The following MYCBPAP variants were observed in gnomAD, a reference collection of about 807,000 sequenced individuals.
The protein encoded by MYCBPAP is MYCBP-associated protein.
In MYCBPAP, 60 loss-of-function variants were observed where a neutral mutation model predicts 106.1. The observed-to-expected ratio is 0.57, with a 90% CI of 0.46 to 0.70. The LOEUF (loss-of-function observed/expected upper bound fraction) is 0.70, where lower values mean the gene tolerates loss of function less well. Among genes scored for constraint, MYCBPAP ranks in the 30% least tolerant of loss-of-function variants. The pLI, the probability that MYCBPAP is intolerant of heterozygous loss-of-function variation, is 0.00. For synonymous variants in MYCBPAP, 407 were observed against 440.6 expected, an observed-to-expected ratio of 0.92 and a Z score of 0.95; for missense variants, 1,064 against 1,169.3, an observed-to-expected ratio of 0.91 and a Z score of 1.31.
rs1171562238 is a variant in MYCBPAP, at chr17:50,508,549, C to A, written c.-126C>A. On this transcript the variant is annotated 5_prime_UTR_variant, in exon 1 of 19. It introduces an in-frame stop codon into an upstream open reading frame of the 5' UTR. Transcript: ENST00000323776. Reference sequence around the variant, plus strand: ...CTCCGCCCAAGTTGATCGGTGGATGCGCGCCCCCGCGCGGGGCACCGGTTG... The same window carrying A: ...CTCCGCCCAAGTTGATCGGTGGATGAGCGCCCCCGCGCGGGGCACCGGTTG... The A allele has an allele frequency of 5.8e-6, 9 of 1,541,920 alleles. No individual in the cohort carries two copies. The highest frequency in any genetic ancestry group is 7.9e-6 in the Non-Finnish European group (9 of 1,144,570).
rs1472481064 is a variant in MYCBPAP, at chr17:50,516,571, AAAG to A, written c.82_84del (p.Lys28del). ...TAATAACTTTCTGCTTCTCTTCAGAAAAGAAGCGGGCAAAGGGACCTGAACAAC... is the reference window on the plus strand; with the variant it reads ...TAATAACTTTCTGCTTCTCTTCAGAAAAGCGGGCAAAGGGACCTGAACAAC... On this transcript the variant is annotated inframe_deletion and splice_region_variant, in exon 2 of 19. Transcript: ENST00000323776. The A allele has an allele frequency of 6.2e-7, 1 of 1,613,734 alleles. No homozygotes were observed. The highest frequency in any genetic ancestry group is 8.5e-7 in the Non-Finnish European group (1 of 1,179,924).
Position 50,517,587 on chromosome 17 carries a change from C to A in MYCBPAP, c.365-8C>A. On this transcript the variant is annotated splice_region_variant and splice_polypyrimidine_tract_variant and intron_variant, in intron 3 of 18. Transcript: ENST00000323776. ...GCTTCTTTCCCCTTTCTTCTTTTAT[C>A]CTCCCAGGTCCCGGTGACAGCTTCG... is the stretch of plus-strand genomic sequence containing the variant. The A allele has an allele frequency of 6.2e-7, 1 of 1,614,076 alleles. No homozygotes were observed. Among genetic ancestry groups the A allele is most frequent in the Non-Finnish European group, 8.5e-7 (1 of 1,179,930 alleles).
At chr17:50,509,536 C>CTG (rs71353648) in intron 1 of MYCBPAP, 14,909 of 150,938 alleles carry the variant, frequency 0.099, 763 homozygotes, top group Non-Finnish European at 0.11. Flanking sequence ...CTTTTTTTTT[C>CTG]TGTGTGTGTG....
chr17:50,522,709 A>AAAAAATATAT, intron 10 of MYCBPAP: 1 of 50,014 alleles, frequency 2.0e-5, no homozygotes, highest in African/African-American at 1.2e-4. Flanking sequence ...AAAAAAAAAA[A>AAAAAATATAT]ATATATATAT....
chr17:50,523,874 C>A, intron 12 of MYCBPAP, 90 bp downstream of exon 12: 1 of 1,299,892 alleles, frequency 7.7e-7, no homozygotes, highest in East Asian at 2.4e-5. Context: ...CATATTTCTC[C>A]CAGCCTAAGA....
intron 18 of MYCBPAP, among the ~76,000 whole-genome samples, chr17:50,529,596 T>C (rs2034570115): frequency 6.6e-6 from 1 of 152,164 alleles, no homozygotes; most frequent in Admixed American, 6.5e-5. Flanking sequence ...TGCAGGCTAT[T>C]GTGAAGACTT....
chr17:50,528,986 T>G (rs1181903569), intron 17 of MYCBPAP, 32 bp from the exon 18 acceptor site: 1 of 1,607,838 alleles, frequency 6.2e-7, no homozygotes, highest in Admixed American at 1.7e-5. Flanking sequence ...CTGGAGCTCC[T>G]GAAGGCTATG....
intron 1 of MYCBPAP, chr17:50,516,115 G>A (rs4793656): frequency 0.078 from 12,098 of 155,040 alleles, 550 homozygotes; most frequent in Middle Eastern, 0.14. Context: ...TCAGCCGCCC[G>A]AGTAGCTGGG....
intron 7 of MYCBPAP, chr17:50,520,873 ATTT>A (rs1428516344): frequency 4.1e-6 from 2 of 491,428 alleles, no homozygotes; most frequent in Admixed American, 3.3e-5. Flanking sequence ...TGCTGTTATT[ATTT>A]TTATTATAAT....
rs1199830458 is a variant in MYCBPAP at position 50,519,044 on chromosome 17, G to A, written c.723G>A (p.Glu241=). Reference sequence around the variant, plus strand: ...AGACCTACAGACGGATCCAGGAGGAGCGGGAGCTCATTGACTGCACACTTC... The same window carrying A: ...AGACCTACAGACGGATCCAGGAGGAACGGGAGCTCATTGACTGCACACTTC... ...TGETYRRIQE[E]RELIDCTLPT... is the part of the protein sequence containing the mutation. Residue 241 remains glutamate, a synonymous_variant, in exon 6 of 19, where the codon GAG becomes GAA. Coordinates refer to ENST00000323776, the MANE Select transcript of MYCBPAP (RefSeq NM_032133.6). 1 of 1,613,870 alleles carries A rather than the reference G, an allele frequency of 6.2e-7. No homozygotes were observed. The highest frequency in any genetic ancestry group is 1.7e-5 in the Admixed American group (1 of 60,002).
At chr17:50,530,887 C>T (rs1380850985) in intron 18 of MYCBPAP, among the ~76,000 whole-genome samples, 2 of 149,522 alleles carry the variant, frequency 1.3e-5, no homozygotes, top group Non-Finnish European at 3.0e-5. Flanking sequence ...AGGGCCACCT[C>T]CCCAGACTGG....
chr17:50,511,082 A>T (rs1247268341), intron 1 of MYCBPAP, among the ~76,000 whole-genome samples: 1 of 152,104 alleles, frequency 6.6e-6, no homozygotes, highest in South Asian at 2.1e-4. Flanking sequence ...AGTGTTTAGC[A>T]TGCAAGATAT....
chr17:50,519,834 G>C, intron 7 of MYCBPAP, 47 bp downstream of exon 7: 1 of 1,587,122 alleles, frequency 6.3e-7, no homozygotes, highest in Non-Finnish European at 8.6e-7. Context: ...GCCTGGCCCG[G>C]AGGCAGGGTA....
chr17:50,516,845 C>T (rs957603744), intron 2 of MYCBPAP, 148 bp downstream of exon 2: 2 of 825,704 alleles, frequency 2.4e-6, no homozygotes, highest in African/African-American at 1.7e-5. Flanking sequence ...TTCACTTTAC[C>T]ACCTTAAGGA....
intron 1 of MYCBPAP, among the ~76,000 whole-genome samples, chr17:50,512,907 C>T (rs2033905378): frequency 6.6e-6 from 1 of 151,996 alleles, no homozygotes; most frequent in Non-Finnish European, 1.5e-5. Context: ...AACCCTGTCT[C>T]TACAAAACAT....
intron 9 of MYCBPAP, among the ~76,000 whole-genome samples, chr17:50,521,647 C>A (rs571219598): frequency 6.6e-6 from 1 of 152,182 alleles, no homozygotes; most frequent in African/African-American, 2.4e-5. Flanking sequence ...GGGGATTTCC[C>A]AGACATTCCC....
At chr17:50,525,701 G>A (rs1409575851) in intron 13 of MYCBPAP, among the ~76,000 whole-genome samples, 180 bp from the exon 14 acceptor site, 7 of 139,702 alleles carry the variant, frequency 5.0e-5, no homozygotes, top group Non-Finnish European at 1.1e-4. Context: ...ATGTCATACA[G>A]GCCGGTCTTG....
intron 12 of MYCBPAP, 90 bp downstream of exon 12, chr17:50,523,874 C>G: frequency 7.7e-7 from 1 of 1,299,894 alleles, no homozygotes; most frequent in Non-Finnish European, 1.1e-6. Context: ...CATATTTCTC[C>G]CAGCCTAAGA....
Position 50,526,024 on chromosome 17 carries a change from T to G in MYCBPAP, c.1926T>G (p.Ala642=). ...CCACAGAGAAGGCCTCTGTGAATGC[T>G]GAGCTGTTACCACGCTTTAGGAGCC... The part of the protein sequence containing the change: ...PIATEKASVN[A]ELLPRFRSPI... The change falls in exon 14 of 19, where the codon GCT becomes GCG. Residue 642 remains alanine (A), a synonymous_variant. Transcript: ENST00000323776. The G allele has an allele frequency of 6.2e-7, 1 of 1,613,974 alleles. No homozygotes were observed. The highest frequency in any genetic ancestry group is 8.5e-7 in the Non-Finnish European group (1 of 1,180,018).
Sources: allele counts gnomAD v4.1 joint callset (sites outside exome capture counted in the v4.1 genomes callset), GRCh38; gene constraint gnomAD v4.1.1; transcripts MANE v1.5; gene names NCBI Gene and HGNC (gene_info 2026-07-23, HGNC 2026-07-21).